NME8: variants seen among roughly 807,000 people sequenced by gnomAD.
NME8 encodes protein NME8.
NME8 carries 72 observed loss-of-function variants against 82.3 expected under a neutral mutation model. The observed-to-expected ratio is 0.87, with a 90% CI of 0.72 to 1.06. The LOEUF is 1.06. Ranked by LOEUF, NME8 falls within the 50% of genes least tolerant of loss-of-function variation. NME8 has a pLI of 0.00. For missense variants in NME8, 712 were observed against 685.4 expected (o/e 1.04, Z -0.43); for synonymous variants, 267 against 228.5 (o/e 1.17, Z -1.52).
At chr7:37,869,307 G>A (rs1283286109) in intron 11 of NME8, among the ~76,000 whole-genome samples, 1 of 152,076 alleles carries the variant, frequency 6.6e-6, no homozygotes, top group Non-Finnish European at 1.5e-5. Context: ...TTACTTTCAG[G>A]GTTTTAAGGG....
chr7:37,876,947 A>C lies in NME8; in HGVS notation c.934A>C (p.Ser312Arg). The change falls in exon 12 of 18, where the codon AGC becomes CGC. Residue 312 changes from serine to arginine, a missense_variant. Physicochemically the swap from Ser to Arg is moderately radical, Grantham distance 110 (BLOSUM62 -1). Transcript: ENST00000199447. ...AFFPDFKKMKSMKLEKTLALL... is the reference protein window; with the variant it reads ...AFFPDFKKMKRMKLEKTLALL... The stretch of plus-strand genomic sequence containing the variant: ...CTTCCCCGATTTTAAAAAAATGAAA[A>C]GCATGAAATTAGAAAAGACATTGGC... The C allele has an allele frequency of 6.2e-7, 1 of 1,613,334 alleles. No individual in the cohort carries two copies. Among genetic ancestry groups the C allele is most frequent in the Non-Finnish European group, 8.5e-7 (1 of 1,179,504 alleles).
intron 12 of NME8, 60 bp downstream of exon 12, chr7:37,877,067 T>C: frequency 1.5e-6 from 2 of 1,347,962 alleles, no homozygotes; most frequent in Non-Finnish European, 1.1e-6. Context: ...GAATAAACCC[T>C]AGTATAATTG....
chr7:37,870,245 T>TA (rs34913943), intron 11 of NME8, among the ~76,000 whole-genome samples: 130,248 of 145,294 alleles, frequency 0.9, 58,605 homozygotes, highest in Middle Eastern at 0.96. Context: ...CTGATGAACT[T>TA]AAAAAAAAAA....
intron 6 of NME8, among the ~76,000 whole-genome samples, chr7:37,861,604 G>C (rs1225101089): frequency 6.6e-6 from 1 of 152,168 alleles, no homozygotes; most frequent in African/African-American, 2.4e-5. Context: ...ATTGTGCCTG[G>C]TACGGCACCA....
intron 17 of NME8, among the ~76,000 whole-genome samples, chr7:37,898,571 A>G (rs1450714788): frequency 6.6e-6 from 1 of 152,240 alleles, no homozygotes; most frequent in Non-Finnish European, 1.5e-5. Flanking sequence ...ATACTGCAAC[A>G]TGGATGAATC....
At chr7:37,849,429 GTT>G (rs1180151283) in intron 2 of NME8, among the ~76,000 whole-genome samples, 1 of 152,172 alleles carries the variant, frequency 6.6e-6, no homozygotes, top group East Asian at 1.9e-4. Context: ...CTTCAGGACT[GTT>G]GGGAGGATAA....
At chr7:37,876,325 T>G (rs1472510365) in intron 11 of NME8, among the ~76,000 whole-genome samples, 2 of 151,872 alleles carry the variant, frequency 1.3e-5, no homozygotes, top group African/African-American at 4.8e-5. Flanking sequence ...AAATAATTTT[T>G]TCTTTTACAC....
intron 11 of NME8, among the ~76,000 whole-genome samples, chr7:37,869,940 C>T (rs911804252): frequency 1.3e-5 from 2 of 152,178 alleles, no homozygotes; most frequent in Admixed American, 1.3e-4. Flanking sequence ...CTTTTATCTG[C>T]CTAAGATCCT....
chr7:37,868,111 T>G (rs1431968175), intron 11 of NME8, among the ~76,000 whole-genome samples: 1 of 152,194 alleles, frequency 6.6e-6, no homozygotes, highest in Non-Finnish European at 1.5e-5. Flanking sequence ...GCTTGTGGGT[T>G]GTAGGGTAGT....
At position 37,896,886 on chromosome 7, in the gene NME8, A is replaced by G. The variant is rs753013180; in HGVS notation, c.1561A>G (p.Met521Val). The change falls in exon 17 of 18, where the codon ATG (methionine) becomes GTG (valine). Residue 521 changes from methionine (M) to valine (V), a missense_variant. Physicochemically the swap from Met to Val is conservative, Grantham distance 21. Coordinates refer to ENST00000199447, the MANE Select transcript of NME8 (RefSeq NM_016616.5). Reference sequence around the variant, plus strand: ...TCTTTGCAGGGGTCCATCTATGGTCATGATTCTGACCAAGTGGAATGCTGT... The same window carrying G: ...TCTTTGCAGGGGTCCATCTATGGTCGTGATTCTGACCAAGTGGAATGCTGT... Reference protein sequence around the residue: ...EMLSVGPSMVMILTKWNAVAE... With the variant: ...EMLSVGPSMVVILTKWNAVAE... The G allele has an allele frequency of 6.8e-6, 11 of 1,613,800 alleles. No homozygotes were observed. The highest frequency in any genetic ancestry group is 9.3e-6 in the Non-Finnish European group (11 of 1,179,770).
intron 11 of NME8, among the ~76,000 whole-genome samples, chr7:37,872,353 C>G (rs964879437): frequency 6.6e-6 from 1 of 152,022 alleles, no homozygotes; most frequent in African/African-American, 2.4e-5. Context: ...GACCTAAGCC[C>G]CAGTGAGCCA....
rs148302107 is a variant in NME8, at chr7:37,894,585, A to G, written c.1519A>G (p.Lys507Glu). 3.1e-5 allele frequency: 50 copies of G among 1,594,440 alleles called. No homozygotes were observed. The African/African-American group carries it at 6.3e-4, about 20-fold the overall frequency. The change falls in exon 16 of 18, where the codon AAA becomes GAA. Residue 507 changes from lysine (K) to glutamate (E), a missense_variant. By Grantham distance (56) the Lys-to-Glu change is moderately conservative. Transcript: ENST00000199447. Reference protein sequence around the residue: ...YPKVTGKDFYKDLLEMLSVGP... With the variant: ...YPKVTGKDFYEDLLEMLSVGP... The stretch of plus-strand genomic sequence containing the variant: ...AAAAGTAACAGGAAAAGACTTTTAT[A>G]AAGATTTATTGGAAATGTTATCTGT...
chr7:37,895,211 A>G (rs544794810), intron 16 of NME8, among the ~76,000 whole-genome samples: 8 of 152,308 alleles, frequency 5.3e-5, no homozygotes, highest in Admixed American at 1.3e-4. Context: ...CATAAATATT[A>G]CGATAAGAAA....
Position 37,865,504 on chromosome 7 carries a change from G to T in NME8, c.529-21G>T. The T allele has an allele frequency of 1.9e-6, 3 of 1,546,984 alleles. No individual in the cohort carries two copies. In the South Asian group the frequency reaches 3.3e-5, roughly 17 times the overall value. On this transcript the variant is annotated intron_variant, in intron 9 of 17. Coordinates refer to ENST00000199447, the MANE Select transcript of NME8 (RefSeq NM_016616.5). Reference sequence around the variant, plus strand: ...ATGTGATCCCACGACACCTGGATTTGACCTTACTCTCTAATTGAAGATTAC... The same window carrying T: ...ATGTGATCCCACGACACCTGGATTTTACCTTACTCTCTAATTGAAGATTAC...
chr7:37,877,807 C>A (rs1483949429), intron 12 of NME8, among the ~76,000 whole-genome samples: 1 of 152,138 alleles, frequency 6.6e-6, no homozygotes, highest in Non-Finnish European at 1.5e-5. Context: ...TCCCCTCTGC[C>A]CCACCTCTCA....
chr7:37,852,366 G>A (rs1036971535), intron 5 of NME8, among the ~76,000 whole-genome samples: 2 of 151,936 alleles, frequency 1.3e-5, no homozygotes, highest in South Asian at 2.1e-4. Flanking sequence ...ACCAAAAGCC[G>A]TAGTTTACAT....
chr7:37,892,903 C>G (rs1024729200), intron 15 of NME8, among the ~76,000 whole-genome samples: 2 of 152,020 alleles, frequency 1.3e-5, no homozygotes, highest in Non-Finnish European at 1.5e-5. Context: ...CTTCCTACCT[C>G]CCTTCCTCTT....
intron 12 of NME8, among the ~76,000 whole-genome samples, chr7:37,882,594 AGAAAGAGAGAGAGAG>A (rs1784971126): frequency 2.0e-5 from 1 of 50,042 alleles, no homozygotes; most frequent in Non-Finnish European, 4.0e-5. Flanking sequence ...AAAGAAAGAA[AGAAAGAGAGAGAGAG>A]AGAGAGAAAG....
intron 11 of NME8, among the ~76,000 whole-genome samples, chr7:37,874,373 A>G (rs1441444860): frequency 6.6e-6 from 1 of 152,236 alleles, no homozygotes; most frequent in South Asian, 2.1e-4. Context: ...TCAAGAAGGC[A>G]GTATTTTGAC....
Sources: allele counts gnomAD v4.1 joint callset (sites outside exome capture counted in the v4.1 genomes callset), GRCh38; gene constraint gnomAD v4.1.1; transcripts MANE v1.5; gene names NCBI Gene and HGNC (gene_info 2026-07-23, HGNC 2026-07-21).